The following KIF26B variants were observed in gnomAD, a reference collection of about 807,000 sequenced individuals.
KIF26B encodes kinesin-like protein KIF26B.
In KIF26B, 63 loss-of-function variants were observed where a neutral mutation model predicts 151.2. The ratio of observed to expected loss-of-function variants is 0.42; its 90% CI spans 0.34 to 0.51. The LOEUF is 0.51. KIF26B is among the 20% of genes least tolerant of loss of function. The pLI is 0.07. For missense variants in KIF26B, 2,813 were observed against 2,913.6 expected (o/e 0.97, Z 0.79); for synonymous variants, 1,357 against 1,262.1 (o/e 1.08, Z -1.59).
rs2044873189 is a variant in KIF26B at position 245,708,832 on chromosome 1, T to A, written c.*6226T>A. ...ATGATTAGTAATGTATGTATGTGTA[T>A]ATAAATATGCTTATCTGTAGAAATG... On this transcript the variant is annotated 3_prime_UTR_variant, in exon 15 of 15. Coordinates refer to ENST00000407071, the MANE Select transcript of KIF26B (RefSeq NM_018012.4). 1 of 152,206 alleles carries A rather than the reference T, an allele frequency of 6.6e-6. No individual in the cohort carries two copies. Among genetic ancestry groups the A allele is most frequent in the Non-Finnish European group, 1.5e-5 (1 of 68,038 alleles). 9.4% of individuals were successfully genotyped at this position (152,206 alleles called of 1,614,324 possible).
intron 3 of KIF26B, among the ~76,000 whole-genome samples, chr1:245,380,986 G>A (rs576555874): frequency 3.5e-4 from 53 of 151,326 alleles, no homozygotes; most frequent in African/African-American, 1.3e-3. Flanking sequence ...GGCTGTGTGG[G>A]CAATGCTGCC....
rs536709603 is a variant in KIF26B at position 245,603,329 on chromosome 1, C to T, written c.1557+546C>T. 3.9e-5 allele frequency among the ~76,000 whole-genome samples: 6 copies of T among 152,258 alleles called. No homozygotes were observed. The South Asian group carries it at 1.2e-3, about 32-fold the overall frequency. On this transcript the variant is annotated intron_variant, in intron 6 of 14. Transcript: ENST00000407071. ...GGAGTGAAGGGGAAGAAGAGAGGCT[C>T]AGGGACAGGTGTTGTATTCGCTGAA...
intron 2 of KIF26B, among the ~76,000 whole-genome samples, chr1:245,242,924 AC>A (rs113247336): frequency 0.17 from 25,497 of 152,018 alleles, 3,211 homozygotes; most frequent in African/African-American, 0.36. Context: ...TGCTGGGATT[AC>A]AGGCATGAGC....
chr1:245,387,655 G>A (rs1002302370), intron 3 of KIF26B, among the ~76,000 whole-genome samples: 2 of 152,088 alleles, frequency 1.3e-5, no homozygotes, highest in Non-Finnish European at 2.9e-5. Flanking sequence ...TCACGCCACT[G>A]CCCTCCAGCC....
chr1:245,569,927 A>ATTTTT lies in KIF26B; in HGVS notation c.1350+28999_1350+29003dup, dbSNP rs869238168. On this transcript the variant is annotated intron_variant, in intron 5 of 14. Coordinates refer to ENST00000407071, the MANE Select transcript of KIF26B (RefSeq NM_018012.4). ...GGGAAACCTACGTTGTAAATAGAGA[A>ATTTTT]TTTTTTTTTTTTTTTTTTTTTTTTT... Among the ~76,000 whole-genome samples the ATTTTT allele has an allele frequency of 2.2e-3, 107 of 47,666 alleles. 30 individuals are homozygous for ATTTTT. The highest frequency in any genetic ancestry group is 8.9e-3 in the African/African-American group (103 of 11,566). 31.3% of individuals were successfully genotyped at this position (47,666 alleles called of 152,430 possible). A position where few individuals can be genotyped will look rare whatever the true frequency, so the allele number is the denominator to read the frequency against.
chr1:245,434,440 A>G (rs1015527627), intron 4 of KIF26B, among the ~76,000 whole-genome samples: 2 of 152,020 alleles, frequency 1.3e-5, no homozygotes, highest in African/African-American at 4.8e-5. Context: ...CAGCTCCATC[A>G]CTCACCATTC....
intron 4 of KIF26B, among the ~76,000 whole-genome samples, chr1:245,475,281 G>A (rs922750688): frequency 1.3e-5 from 2 of 151,754 alleles, no homozygotes; most frequent in Admixed American, 6.6e-5. Context: ...CCACTGAATC[G>A]GAATGAGGTC....
chr1:245,246,121 G>C (rs1031471104), intron 2 of KIF26B, among the ~76,000 whole-genome samples: 2 of 146,606 alleles, frequency 1.4e-5, no homozygotes, highest in Non-Finnish European at 3.0e-5. Flanking sequence ...AAAAAGAAAG[G>C]TTTGCAGAGT....
intron 2 of KIF26B, among the ~76,000 whole-genome samples, chr1:245,247,921 G>A (rs1670367135): frequency 6.6e-6 from 1 of 152,182 alleles, no homozygotes. Context: ...AAGTGTTGCA[G>A]CAGATGCCCT....
chr1:245,297,143 G>A (rs559172318), intron 2 of KIF26B, among the ~76,000 whole-genome samples: 1 of 152,176 alleles, frequency 6.6e-6, no homozygotes, highest in African/African-American at 2.4e-5. Flanking sequence ...AGGAGTTCAA[G>A]ACCAGCCTGG....
chr1:245,354,724 G>C (rs1672645960), intron 2 of KIF26B, among the ~76,000 whole-genome samples: 1 of 152,170 alleles, frequency 6.6e-6, no homozygotes, highest in South Asian at 2.1e-4. Flanking sequence ...TTAGAGTTCA[G>C]TACCTCCACA....
chr1:245,255,252 T>C (rs1670511189), intron 2 of KIF26B, among the ~76,000 whole-genome samples: 1 of 152,214 alleles, frequency 6.6e-6, no homozygotes, highest in Non-Finnish European at 1.5e-5. Flanking sequence ...TTTTGCTCTT[T>C]ATAAATTACC....
chr1:245,258,543 G>A (rs1414890263), intron 2 of KIF26B, among the ~76,000 whole-genome samples: 1 of 152,130 alleles, frequency 6.6e-6, no homozygotes, highest in Non-Finnish European at 1.5e-5. Context: ...TAAACAAATG[G>A]GATCCATAAA....
chr1:245,199,106 C>A (rs373850357), intron 2 of KIF26B, among the ~76,000 whole-genome samples: 24 of 151,004 alleles, frequency 1.6e-4, no homozygotes, highest in East Asian at 5.9e-4. Context: ...TTGTCCAGAT[C>A]ACAGGCTGGT....
chr1:245,635,032 C>G (rs1046135909), intron 9 of KIF26B, among the ~76,000 whole-genome samples: 7 of 149,052 alleles, frequency 4.7e-5, no homozygotes, highest in African/African-American at 1.7e-4. Flanking sequence ...TAATATGGCT[C>G]TTTAATATTT....
intron 2 of KIF26B, among the ~76,000 whole-genome samples, chr1:245,336,834 T>A (rs1233679817): frequency 1.3e-5 from 2 of 152,246 alleles, no homozygotes; most frequent in African/African-American, 2.4e-5. Flanking sequence ...TTAGTCCATT[T>A]GAAATGAAAC....
intron 2 of KIF26B, among the ~76,000 whole-genome samples, chr1:245,343,653 G>A (rs945360534): frequency 6.6e-6 from 1 of 152,092 alleles, no homozygotes; most frequent in Non-Finnish European, 1.5e-5. Flanking sequence ...CGTGCCAGCC[G>A]CAAAACCCAG....
At chr1:245,681,299 C>T (rs998033827) in intron 10 of KIF26B, among the ~76,000 whole-genome samples, 4 of 151,842 alleles carry the variant, frequency 2.6e-5, no homozygotes, top group Non-Finnish European at 5.9e-5. Flanking sequence ...AAGCTCCACC[C>T]CCCGGGTTCA....
intron 2 of KIF26B, among the ~76,000 whole-genome samples, chr1:245,171,501 G>A (rs1002332377): frequency 1.3e-5 from 2 of 151,998 alleles, no homozygotes; most frequent in Non-Finnish European, 2.9e-5. Flanking sequence ...CTGAGATCGC[G>A]CCATTGCACT....
Sources: gnomAD v4.1 joint callset for allele counts (sites outside exome capture counted in the v4.1 genomes callset) on GRCh38, gnomAD v4.1.1 for gene constraint, MANE v1.5 for transcripts, NCBI Gene and HGNC (gene_info 2026-07-23, HGNC 2026-07-21) for gene names.